Variants in TPTE2 observed in about 807,000 individuals in gnomAD.
The protein encoded by TPTE2 is phosphatidylinositol 3,4,5-trisphosphate 3-phosphatase TPTE2.
Under a neutral mutation model 78.6 loss-of-function variants are expected in TPTE2, and 53 were observed. That is an observed-to-expected ratio of 0.67 (90% CI 0.54 to 0.85). The LOEUF is 0.85. Ranked by LOEUF, TPTE2 falls within the 40% of genes least tolerant of loss-of-function variation. The probability of loss-of-function intolerance (pLI) is 0.00; values close to 1 mark genes in which losing one functional copy is unlikely to be tolerated. For synonymous variants in TPTE2, 175 were observed against 206.2 expected, an observed-to-expected ratio of 0.85 and a Z score of 1.30; for missense variants, 461 against 623.0, an observed-to-expected ratio of 0.74 and a Z score of 2.77.
chr13:19,485,338 C>A (rs1880602320), intron 3 of TPTE2, among the ~76,000 whole-genome samples: 1 of 152,008 alleles, frequency 6.6e-6, no homozygotes, highest in Non-Finnish European at 1.5e-5. Context: ...ATATTCTCAG[C>A]TGAAAGTTTT....
chr13:19,547,720 C>CATATATATAAATATATATATATAT, the TPTE2 span, among the ~76,000 whole-genome samples: 1 of 118,848 alleles, frequency 8.4e-6, no homozygotes, highest in Non-Finnish European at 1.8e-5. Flanking sequence ...AATAAATATA[C>CATATATATAAATATATATATATAT]ATATATATAT....
At chr13:19,438,246 C>CT (rs957392271) in intron 13 of TPTE2, 93 bp from the exon 17 acceptor site, 201 of 1,472,408 alleles carry the variant, frequency 1.4e-4, no homozygotes, top group South Asian at 2.2e-4. Context: ...GATTTTCTTT[C>CT]TTTTTTTTGA....
At chr13:19,547,258 A>G in the TPTE2 span, among the ~76,000 whole-genome samples, 1 of 152,190 alleles carries the variant, frequency 6.6e-6, no homozygotes, top group African/African-American at 2.4e-5. Flanking sequence ...GGAGTTCAAG[A>G]CCAGCCTGGG....
At chr13:19,560,571 G>A in the TPTE2 span, 8 of 1,599,334 alleles carry the variant, frequency 5.0e-6, no homozygotes, top group Admixed American at 3.4e-5. Flanking sequence ...AGCTGATGGT[G>A]ACCACGATCT....
chr13:19,479,967 A>C (rs1327324082), intron 4 of TPTE2, among the ~76,000 whole-genome samples: 1 of 152,124 alleles, frequency 6.6e-6, no homozygotes, highest in African/African-American at 2.4e-5. Flanking sequence ...GCTCAAAAAA[A>C]AAAAAAAGAG....
At chr13:19,456,466 CAAAT>C (rs1299162289) in intron 10 of TPTE2, among the ~76,000 whole-genome samples, 2 of 152,126 alleles carry the variant, frequency 1.3e-5, no homozygotes, top group Non-Finnish European at 2.9e-5. Flanking sequence ...TTAAGACAAA[CAAAT>C]AAACAAAAGT....
intron 14 of TPTE2, 40 bp from the exon 18 acceptor site, chr13:19,436,346 C>T (rs1325910327): frequency 5.8e-6 from 9 of 1,560,220 alleles, no homozygotes; most frequent in Non-Finnish European, 7.9e-6. Flanking sequence ...TTCATCTGCA[C>T]TCTTTCCTTT....
At chr13:19,453,411 C>A (rs533678087) in intron 10 of TPTE2, among the ~76,000 whole-genome samples, 25 of 152,034 alleles carry the variant, frequency 1.6e-4, no homozygotes, top group Non-Finnish European at 2.9e-4. Context: ...TATAGAAAAA[C>A]AGTCAATATT....
upstream of TPTE2, among the ~76,000 whole-genome samples, chr13:19,507,324 A>AAAAC (rs1372256113): frequency 1.3e-5 from 2 of 150,884 alleles, no homozygotes; most frequent in African/African-American, 4.9e-5. Flanking sequence ...AAAAAAAAAA[A>AAAAC]ACACATGCAA....
chr13:19,537,851 T>C (rs918870897), upstream of TPTE2, among the ~76,000 whole-genome samples: 1 of 151,134 alleles, frequency 6.6e-6, no homozygotes, highest in Non-Finnish European at 1.5e-5. Context: ...GTGATCCACC[T>C]ATCTCAGCCT....
chr13:19,442,226 C>CAT (rs1246184256), intron 13 of TPTE2, among the ~76,000 whole-genome samples: 5 of 151,650 alleles, frequency 3.3e-5, no homozygotes, highest in African/African-American at 1.2e-4. Context: ...GAAAAAAATA[C>CAT]ATAGTATGTT....
At chr13:19,497,439 G>C (rs1442875387) in intron 1 of TPTE2, among the ~76,000 whole-genome samples, 18 of 119,220 alleles carry the variant, frequency 1.5e-4, no homozygotes, top group African/African-American at 5.0e-4. Context: ...CTCCCAGCAC[G>C]CAGCTGGAGA....
intron 4 of TPTE2, among the ~76,000 whole-genome samples, chr13:19,480,553 G>T (rs1432194798): frequency 6.6e-6 from 1 of 152,118 alleles, no homozygotes; most frequent in Non-Finnish European, 1.5e-5. Context: ...AGGATTAAAT[G>T]CTTTTATATA....
At chr13:19,559,361 G>A in the TPTE2 span, among the ~76,000 whole-genome samples, 11 of 152,202 alleles carry the variant, frequency 7.2e-5, no homozygotes, top group African/African-American at 2.7e-4. Context: ...GCCCTGGCTT[G>A]CCCCATGTCT....
At chr13:19,524,593 A>C (rs1870384032) in intron 1 of TPTE2, among the ~76,000 whole-genome samples, 1 of 152,240 alleles carries the variant, frequency 6.6e-6, no homozygotes, top group South Asian at 2.1e-4. Context: ...ACATAGAAAA[A>C]TACAAATATT....
intron 13 of TPTE2, among the ~76,000 whole-genome samples, chr13:19,440,165 T>C (rs1877395240): frequency 6.6e-6 from 1 of 151,948 alleles, no homozygotes; most frequent in African/African-American, 2.4e-5. Context: ...CTGTCCAAGG[T>C]CACTGTCAAA....
intron 1 of TPTE2, among the ~76,000 whole-genome samples, chr13:19,502,211 T>C (rs1868620246): frequency 7.4e-6 from 1 of 135,042 alleles, no homozygotes; most frequent in South Asian, 2.7e-4. Flanking sequence ...GACTGTAAAC[T>C]AGTTCAACCA....
intron 1 of TPTE2, 186 bp from the exon 5 acceptor site, chr13:19,493,687 C>A: frequency 1.5e-6 from 1 of 662,914 alleles, no homozygotes; most frequent in Non-Finnish European, 2.7e-6. Flanking sequence ...TGACGACAAC[C>A]AAAATCTTAG....
chr13:19,536,500 GT>G (rs1871218972), intron 1 of TPTE2: 1 of 152,070 alleles, frequency 6.6e-6, no homozygotes, highest in African/African-American at 2.4e-5. Context: ...TTTCTTTATA[GT>G]TTTATCACAT....
Sources: allele counts gnomAD v4.1 joint callset (sites outside exome capture counted in the v4.1 genomes callset), GRCh38; gene constraint gnomAD v4.1.1; transcripts MANE v1.5; gene names NCBI Gene and HGNC (gene_info 2026-07-23, HGNC 2026-07-21).